Variants in ATP10A observed in about 807,000 individuals in gnomAD.
The protein encoded by ATP10A is phospholipid-transporting ATPase VA.
Under a neutral mutation model 147.8 loss-of-function variants are expected in ATP10A, and 111 were observed. The observed-to-expected ratio is 0.75, with a 90% CI of 0.64 to 0.88. The LOEUF (loss-of-function observed/expected upper bound fraction) is 0.88. Ranked by LOEUF, ATP10A falls within the 40% of genes least tolerant of loss-of-function variation. The probability of loss-of-function intolerance (pLI) is 0.00; values close to 1 mark genes in which losing one functional copy is unlikely to be tolerated. For synonymous variants in ATP10A, 875 were observed against 841.6 expected, an observed-to-expected ratio of 1.04 and a Z score of -0.69; for missense variants, 1,927 against 1,959.0, an observed-to-expected ratio of 0.98 and a Z score of 0.31.
intron 13 of ATP10A, 101 bp downstream of exon 13, chr15:25,701,815 T>C: frequency 8.3e-7 from 1 of 1,211,264 alleles, no homozygotes; most frequent in Non-Finnish European, 1.2e-6. Flanking sequence ...GTGAGGTCCT[T>C]CTAACAGCAG....
intron 2 of ATP10A, among the ~76,000 whole-genome samples, chr15:25,764,448 A>T (rs1457189740): frequency 6.6e-6 from 1 of 152,194 alleles, no homozygotes; most frequent in African/African-American, 2.4e-5. Flanking sequence ...TGATTAGGGC[A>T]TGAGGGTGGA....
intron 1 of ATP10A, among the ~76,000 whole-genome samples, chr15:25,838,023 G>C (rs553454567): frequency 5.9e-5 from 9 of 152,376 alleles, no homozygotes; most frequent in Non-Finnish European, 1.2e-4. Flanking sequence ...TAATGTACAA[G>C]ATTCACTGTT....
chr15:25,710,548 C>A (rs1901346799), intron 10 of ATP10A: 1 of 152,160 alleles, frequency 6.6e-6, no homozygotes. Flanking sequence ...TGAGGGTAGC[C>A]TCTCTTCATG....
intron 1 of ATP10A, among the ~76,000 whole-genome samples, chr15:25,782,500 T>C (rs950122046): frequency 6.6e-6 from 1 of 152,156 alleles, no homozygotes; most frequent in South Asian, 2.1e-4. Context: ...TAAAAAATAA[T>C]TAAAACACGT....
intron 2 of ATP10A, among the ~76,000 whole-genome samples, chr15:25,754,659 G>A (rs77848865): frequency 0.011 from 1,711 of 152,182 alleles, 66 homozygotes; most frequent in East Asian, 0.1. Flanking sequence ...CCCAATATCC[G>A]ACATAAAAAT....
chr15:25,787,694 G>T (rs1372443303), intron 1 of ATP10A, among the ~76,000 whole-genome samples: 1 of 152,052 alleles, frequency 6.6e-6, no homozygotes, highest in Non-Finnish European at 1.5e-5. Flanking sequence ...CCAGATTTGT[G>T]CCAGTGTTTG....
upstream of ATP10A, chr15:25,863,848 A>G (rs1181437950): frequency 2.6e-5 from 4 of 152,160 alleles, no homozygotes; most frequent in African/African-American, 9.7e-5. Context: ...AGCCCCCACC[A>G]CTTTCAGATT....
rs1466412647 is a variant in ATP10A at position 25,679,265 on chromosome 15, C to T, written c.*76G>A. ...CATTTAGAAATACATCTCCCTAGAA[C>T]TCTTCTGTGCAAATAATAAACATAA... On this transcript the variant is annotated 3_prime_UTR_variant, in exon 21 of 21. Coordinates refer to ENST00000555815, the MANE Select transcript of ATP10A (RefSeq NM_024490.4). The T allele has an allele frequency of 6.4e-6, 7 of 1,094,202 alleles. No individual in the cohort carries two copies. Among genetic ancestry groups the T allele is most frequent in the Admixed American group, 4.0e-5 (1 of 24,696 alleles). 67.8% of individuals were successfully genotyped at this position (1,094,202 alleles called of 1,614,324 possible). A position where few individuals can be genotyped will look rare whatever the true frequency, so the allele number is the denominator to read the frequency against.
chr15:25,791,305 G>A (rs1434506778), intron 1 of ATP10A, among the ~76,000 whole-genome samples: 4 of 151,892 alleles, frequency 2.6e-5, no homozygotes, highest in Non-Finnish European at 5.9e-5. Flanking sequence ...CCACTTGGCA[G>A]GCTCCTCTGT....
rs1893517587 is a variant in ATP10A, at chr15:25,856,332, T to C, written c.449+6316A>G. On this transcript the variant is annotated intron_variant, in intron 1 of 20. Coordinates refer to ENST00000555815, the MANE Select transcript of ATP10A (RefSeq NM_024490.4). ...TGCTTGCACTCATTCTCTCTCCTGCTACCTTGTAAAGAGGTGCCTTCTGTC... is the reference window on the plus strand; with the variant it reads ...TGCTTGCACTCATTCTCTCTCCTGCCACCTTGTAAAGAGGTGCCTTCTGTC... 1.3e-5 allele frequency among the ~76,000 whole-genome samples: 2 copies of C among 152,196 alleles called. 1 individual carries two copies. The highest frequency in any genetic ancestry group is 4.1e-4 in the South Asian group (2 of 4,826).
chr15:25,798,312 T>C (rs1411525660), intron 1 of ATP10A, among the ~76,000 whole-genome samples: 1 of 152,138 alleles, frequency 6.6e-6, no homozygotes, highest in Non-Finnish European at 1.5e-5. Flanking sequence ...GAATTCTACA[T>C]ACAGGCCGCA....
At chr15:25,859,602 C>T (rs1893666506) in intron 1 of ATP10A, among the ~76,000 whole-genome samples, 1 of 152,078 alleles carries the variant, frequency 6.6e-6, no homozygotes, top group South Asian at 2.1e-4. Context: ...CAGTGCTCCC[C>T]CAACCTGCTG....
intron 10 of ATP10A, among the ~76,000 whole-genome samples, chr15:25,713,467 G>C (rs2140389807): frequency 6.6e-6 from 1 of 152,346 alleles, no homozygotes; most frequent in African/African-American, 2.4e-5. Flanking sequence ...GGGGTGTGCA[G>C]GCATGGAAGT....
intron 2 of ATP10A, among the ~76,000 whole-genome samples, chr15:25,754,557 C>T (rs1304001693): frequency 6.6e-6 from 1 of 152,128 alleles, no homozygotes; most frequent in African/African-American, 2.4e-5. Context: ...GTAAGAGAAG[C>T]CTTGGGTGCC....
At chr15:25,815,826 A>C (rs1411131552) in intron 1 of ATP10A, among the ~76,000 whole-genome samples, 1 of 152,182 alleles carries the variant, frequency 6.6e-6, no homozygotes, top group Non-Finnish European at 1.5e-5. Flanking sequence ...GCCTGCTTAG[A>C]ATAACACATT....
intron 2 of ATP10A, among the ~76,000 whole-genome samples, chr15:25,769,125 T>C (rs2140657263): frequency 6.6e-6 from 1 of 152,286 alleles, no homozygotes; most frequent in Admixed American, 6.5e-5. Flanking sequence ...AATCAGATTT[T>C]CGAAGTCTGC....
chr15:25,863,670 C>G (rs902753513), upstream of ATP10A: 1 of 152,276 alleles, frequency 6.6e-6, no homozygotes, highest in Non-Finnish European at 1.5e-5. Flanking sequence ...CGGGAGACCC[C>G]GGTTAGGACC....
At chr15:25,792,104 A>G (rs953635875) in intron 1 of ATP10A, among the ~76,000 whole-genome samples, 1 of 152,314 alleles carries the variant, frequency 6.6e-6, no homozygotes, top group Non-Finnish European at 1.5e-5. Context: ...AATTGTGTCA[A>G]TATTGCTAAC....
rs568722239 is a variant in ATP10A, at chr15:25,724,032, G to A, written c.980-11C>T. The A allele has an allele frequency of 7.3e-6, 11 of 1,512,330 alleles. No homozygotes were observed. In the African/African-American group the frequency reaches 1.4e-4, roughly 19 times the overall value. The allele number at this position is 1,512,330 out of a possible 1,614,324, so 93.7% of individuals were successfully genotyped here. On this transcript the variant is annotated splice_polypyrimidine_tract_variant and intron_variant, in intron 5 of 20. Coordinates refer to ENST00000555815, the MANE Select transcript of ATP10A (RefSeq NM_024490.4). Reference sequence around the variant, plus strand: ...TCCACAGTCCATGTCCTGTAGTAATGTTCAAAGAGAAATGTCATTCATCCA... The same window carrying A: ...TCCACAGTCCATGTCCTGTAGTAATATTCAAAGAGAAATGTCATTCATCCA...
Sources: allele counts gnomAD v4.1 joint callset (sites outside exome capture counted in the v4.1 genomes callset), GRCh38; gene constraint gnomAD v4.1.1; transcripts MANE v1.5; gene names NCBI Gene and HGNC (gene_info 2026-07-23, HGNC 2026-07-21).